The following ALPK3 variants were observed in gnomAD, a reference collection of about 807,000 sequenced individuals.
The protein encoded by ALPK3 is alpha kinase 3, also known as alpha-protein kinase 3.
ALPK3 carries 102 observed loss-of-function variants against 140.0 expected under a neutral mutation model. That is an observed-to-expected ratio of 0.73 (90% confidence interval 0.62 to 0.86). The LOEUF is 0.86. Ranked by LOEUF, ALPK3 falls within the 40% of genes least tolerant of loss-of-function variation. The pLI, the probability that ALPK3 is intolerant of heterozygous loss-of-function variation, is 0.00. For synonymous variants in ALPK3, 938 were observed against 898.5 expected, an observed-to-expected ratio of 1.04 and a Z score of -0.79; for missense variants, 2,254 against 2,208.2, an observed-to-expected ratio of 1.02 and a Z score of -0.42.
intron 11 of ALPK3, 40 bp from the exon 12 acceptor site, chr15:84,864,402 G>A: frequency 1.3e-6 from 2 of 1,587,948 alleles, no homozygotes; most frequent in Non-Finnish European, 1.7e-6. Context: ...AGCTCTCTGG[G>A]CCATACTTCC....
chr15:84,836,199 G>A (rs372823666), intron 3 of ALPK3, among the ~76,000 whole-genome samples: 26 of 152,338 alleles, frequency 1.7e-4, no homozygotes, highest in Middle Eastern at 3.4e-3. Context: ...GACCACATGG[G>A]TGGGTGCATC....
chr15:84,824,649 G>C (rs775867389), intron 2 of ALPK3, among the ~76,000 whole-genome samples: 1 of 152,188 alleles, frequency 6.6e-6, no homozygotes, highest in Admixed American at 6.5e-5. Context: ...TGTGGTAAGC[G>C]TTGACAGGAG....
intron 12 of ALPK3, among the ~76,000 whole-genome samples, chr15:84,865,600 TC>T (rs1204003996): frequency 6.6e-6 from 1 of 152,200 alleles, no homozygotes; most frequent in Non-Finnish European, 1.5e-5. Flanking sequence ...AATGTCATCG[TC>T]CTCAAGAAGC....
chr15:84,817,858 G>C (rs1440005819), intron 1 of ALPK3, among the ~76,000 whole-genome samples: 1 of 152,204 alleles, frequency 6.6e-6, no homozygotes, highest in Non-Finnish European at 1.5e-5. Flanking sequence ...TGATTTCATG[G>C]GGTCTGAAGG....
Position 84,857,400 on chromosome 15 carries a change from A to T in ALPK3, c.2662A>T (p.Thr888Ser). The change falls in exon 6 of 14, where the codon ACT (threonine) becomes TCT (serine). Residue 888 changes from threonine (T) to serine (S), a missense_variant. By Grantham distance (58) the Thr-to-Ser change is moderately conservative. Coordinates refer to ENST00000258888, the MANE Select transcript of ALPK3 (RefSeq NM_020778.5). ...SPKAGPCSTP[T>S]SQHGSTATFL... ...AAAGGCGGGGCCGTGTAGCACCCCG[A>T]CTTCTCAGCACGGGAGCACAGCCAC... 1 of 1,614,042 alleles carries T rather than the reference A, an allele frequency of 6.2e-7. No homozygotes were observed. Among genetic ancestry groups the T allele is most frequent in the African/African-American group, 1.3e-5 (1 of 75,032 alleles).
chr15:84,864,179 A>G lies in ALPK3; in HGVS notation c.4500-263A>G, dbSNP rs552191029. Among the ~76,000 whole-genome samples, 4 of 152,256 alleles carry G rather than the reference A, an allele frequency of 2.6e-5. No homozygotes were observed. In the East Asian group the frequency reaches 7.7e-4, roughly 29 times the overall value. The stretch of plus-strand genomic sequence containing the variant: ...CATGCCTCAATCCCTCACCCAAGCC[A>G]CACAGTCTGCCTATGCCCATAGCAG... On this transcript the variant is annotated intron_variant, in intron 11 of 13. Coordinates refer to ENST00000258888, the MANE Select transcript of ALPK3 (RefSeq NM_020778.5).
rs1321858368 is a variant in ALPK3 at position 84,840,340 on chromosome 15, C to T, written c.1061C>T (p.Ser354Phe). 1.2e-6 allele frequency: 2 copies of T among 1,613,706 alleles called. No individual in the cohort carries two copies. Among genetic ancestry groups the T allele is most frequent in the East Asian group, 4.5e-5 (2 of 44,882 alleles). ...ATCCCCAGCTCAGACGAGCCTGACT[C>T]CTGTGGGACTCAGGGGCCCGTGGGC... ...NCIPSSDEPD[S>F]CGTQGPVGVE... The change falls in exon 5 of 14, where the codon TCC becomes TTC. Residue 354 changes from serine (S) to phenylalanine (F), a missense_variant. Physicochemically the swap from Ser to Phe is radical, Grantham distance 155. Coordinates refer to ENST00000258888, the MANE Select transcript of ALPK3 (RefSeq NM_020778.5).
rs184970644 is a variant in ALPK3, at chr15:84,826,173, A to C, written c.183-1311A>C. The stretch of plus-strand genomic sequence containing the variant: ...TCTCTGGGGTACAACCCTTCTCCTC[A>C]AACTCAAGTCTAGAATAATATTCAC... On this transcript the variant is annotated intron_variant, in intron 2 of 13. Transcript: ENST00000258888. 1.4e-3 allele frequency among the ~76,000 whole-genome samples: 210 copies of C among 152,300 alleles called. 3 individuals carry two copies. Among genetic ancestry groups the C allele is most frequent in the African/African-American group, 5.0e-3 (207 of 41,562 alleles).
intron 3 of ALPK3, among the ~76,000 whole-genome samples, chr15:84,832,405 G>A (rs1347747140): frequency 6.6e-6 from 1 of 152,150 alleles, no homozygotes; most frequent in Non-Finnish European, 1.5e-5. Flanking sequence ...TGATTAAAAA[G>A]TCTTTTCAGG....
rs1964077776 is a variant in ALPK3 at position 84,872,001 on chromosome 15, C to T, written c.*3545C>T. The T allele has an allele frequency of 1.3e-5, 2 of 152,314 alleles. No individual in the cohort carries two copies. The highest frequency in any genetic ancestry group is 4.8e-5 in the African/African-American group (2 of 41,478). 9.4% of individuals were successfully genotyped at this position (152,314 alleles called of 1,614,324 possible). On this transcript the variant is annotated 3_prime_UTR_variant, in exon 14 of 14. Transcript: ENST00000258888. ...CAAATTACTGCCCCTCTCAGAGCCA[C>T]AGGTGTAGACAGGTGAAAACACTGG...
chr15:84,846,503 G>A (rs1464901412), intron 5 of ALPK3, among the ~76,000 whole-genome samples: 1 of 152,126 alleles, frequency 6.6e-6, no homozygotes, highest in African/African-American at 2.4e-5. Context: ...GGGGAACATG[G>A]CAAAACCCTG....
Position 84,817,565 on chromosome 15 carries a change from G to C in ALPK3, c.113G>C (p.Ser38Thr). ...PVWIPSPASRSYLLSVRPETS... is the reference protein window; with the variant it reads ...PVWIPSPASRTYLLSVRPETS... ...TGGATCCCCAGCCCAGCCAGCCGGA[G>C]CTACCTGCTCAGCGTGCGGCCCGAG... is the stretch of plus-strand genomic sequence containing the variant. Residue 38 changes from serine to threonine, a missense_variant, in exon 1 of 14, where the codon AGC becomes ACC. Around this residue, in one of 3 missense-constraint regions of ALPK3, gnomAD observed 2,088 missense variants for 2,022.9 expected, o/e 1.03. Transcript: ENST00000258888. 2.0e-6 allele frequency: 3 copies of C among 1,503,158 alleles called. No homozygotes were observed. The highest frequency in any genetic ancestry group is 2.7e-6 in the Non-Finnish European group (3 of 1,131,688). 93.1% of individuals were successfully genotyped at this position (1,503,158 alleles called of 1,614,324 possible).
At position 84,857,598 on chromosome 15, in the gene ALPK3, C is replaced by T. The variant is rs773148900; in HGVS notation, c.2860C>T (p.Pro954Ser). 1.3e-6 allele frequency: 2 copies of T among 1,575,058 alleles called. No homozygotes were observed. Among genetic ancestry groups the T allele is most frequent in the Admixed American group, 1.8e-5 (1 of 56,886 alleles). Residue 954 changes from proline (P) to serine (S), a missense_variant, in exon 6 of 14, where the codon CCT becomes TCT. Physicochemically the swap from Pro to Ser is moderately conservative, Grantham distance 74. Around this residue, in one of 3 missense-constraint regions of ALPK3, gnomAD observed 2,088 missense variants for 2,022.9 expected, o/e 1.03. Coordinates refer to ENST00000258888, the MANE Select transcript of ALPK3 (RefSeq NM_020778.5). ...GACCCCAGGTCCCCGGAGCTGTGAC[C>T]CTGGCCTCATAGATTCCCTGAAGAA... ...GRTPGPRSCD[P>S]GLIDSLKNYL...
At chr15:84,835,192 A>G (rs895680578) in intron 3 of ALPK3, among the ~76,000 whole-genome samples, 6 of 152,214 alleles carry the variant, frequency 3.9e-5, no homozygotes, top group African/African-American at 1.2e-4. Flanking sequence ...GGATGAGATC[A>G]TCTCACAGGA....
chr15:84,824,352 C>T (rs1468416969), intron 2 of ALPK3, among the ~76,000 whole-genome samples: 2 of 152,224 alleles, frequency 1.3e-5, no homozygotes, highest in Non-Finnish European at 2.9e-5. Context: ...CAGCTCTTTA[C>T]CCTTGGCTGA....
chr15:84,863,476 C>T, intron 10 of ALPK3, 76 bp from the exon 11 acceptor site: 1 of 1,306,982 alleles, frequency 7.7e-7, no homozygotes. Context: ...AATAGGTAGC[C>T]CACTCACTTA....
Position 84,858,062 on chromosome 15 carries a change from G to A in ALPK3, c.3324G>A (p.Glu1108=), listed in dbSNP as rs2141568925. Residue 1108 remains glutamate (E), a synonymous_variant, in exon 6 of 14, where the codon GAG becomes GAA. Transcript: ENST00000258888. The part of the protein sequence containing the change: ...EGPGLLGASQ[E]SSMAGRLGEA... ...CTGGCCTCCTGGGGGCCTCTCAGGA[G>A]AGCAGCATGGCTGGTCGACTGGGGG... The A allele has an allele frequency of 6.4e-7, 1 of 1,570,502 alleles. No individual in the cohort carries two copies. Among genetic ancestry groups the A allele is most frequent in the Admixed American group, 1.9e-5 (1 of 53,012 alleles).
At chr15:84,826,162 C>T (rs985858645) in intron 2 of ALPK3, among the ~76,000 whole-genome samples, 1 of 152,160 alleles carries the variant, frequency 6.6e-6, no homozygotes, top group Admixed American at 6.5e-5. Context: ...TGGGGTACAA[C>T]CCTTCTCCTC....
At chr15:84,860,636 C>G (rs2141571295) in intron 9 of ALPK3, among the ~76,000 whole-genome samples, 1 of 152,340 alleles carries the variant, frequency 6.6e-6, no homozygotes, top group East Asian at 1.9e-4. Flanking sequence ...TGAAGGCAGC[C>G]AGTGATAAAA....
Sources: allele counts gnomAD v4.1 joint callset (sites outside exome capture counted in the v4.1 genomes callset), GRCh38; gene constraint gnomAD v4.1.1; regional missense constraint gnomAD v4.1.1; transcripts MANE v1.5; gene names NCBI Gene and HGNC (gene_info 2026-07-23, HGNC 2026-07-21).